SAMD5: variants seen among roughly 807,000 people sequenced by gnomAD.
SAMD5 encodes the protein sterile alpha motif domain-containing protein 5.
SAMD5 carries 13 observed loss-of-function variants against 11.3 expected under a neutral mutation model. The observed-to-expected ratio is 1.15, with a 90% CI of 0.75 to 1.83. The LOEUF is 1.83. Ranked by LOEUF, SAMD5 falls within the 40% of genes most tolerant of loss-of-function variation. SAMD5 has a pLI of 0.00. For synonymous variants in SAMD5, 129 were observed against 111.3 expected (o/e 1.16, Z -1.00); for missense variants, 255 against 239.1 (o/e 1.07, Z -0.44).
Position 147,566,574 on chromosome 6 carries a change from C to T in SAMD5, c.*2118C>T. On this transcript the variant is annotated 3_prime_UTR_variant, in exon 2 of 2. Coordinates refer to ENST00000367474, the MANE Select transcript of SAMD5 (RefSeq NM_001030060.3). ...TGCAATGGAAAAAGGGTTCCTTGGT[C>T]ATTTCAAGTTTTATTTTCTATTAGA... is the stretch of plus-strand genomic sequence containing the variant. 1.0e-6 allele frequency: 1 copy of T among 981,616 alleles called. No homozygotes were observed. The highest frequency in any genetic ancestry group is 1.2e-6 in the Non-Finnish European group (1 of 826,098). The allele number at this position is 981,616 out of a possible 1,614,324, so 60.8% of individuals were successfully genotyped here.
chr6:147,549,449 T>C (rs1392499205), intron 1 of SAMD5, among the ~76,000 whole-genome samples: 1 of 152,174 alleles, frequency 6.6e-6, no homozygotes, highest in Non-Finnish European at 1.5e-5. Context: ...GAGACAAACC[T>C]TGACAAATGA....
At chr6:147,806,417 G>A in the SAMD5 span, among the ~76,000 whole-genome samples, 1 of 152,176 alleles carries the variant, frequency 6.6e-6, no homozygotes, top group Non-Finnish European at 1.5e-5. Flanking sequence ...CACAATAGAT[G>A]TGTCAATTGC....
chr6:147,885,929 A>C, the SAMD5 span, among the ~76,000 whole-genome samples: 4 of 152,332 alleles, frequency 2.6e-5, no homozygotes, highest in East Asian at 7.7e-4. Context: ...AGAACATATA[A>C]TTTCTATATT....
At chr6:147,846,821 G>C in the SAMD5 span, among the ~76,000 whole-genome samples, 2 of 151,974 alleles carry the variant, frequency 1.3e-5, no homozygotes, top group African/African-American at 4.8e-5. Flanking sequence ...CTGTCTCCAA[G>C]AAAAACAAAA....
At chr6:147,707,521 A>C (rs1036558683) in intron 1 of SAMD5, among the ~76,000 whole-genome samples, 6 of 152,198 alleles carry the variant, frequency 3.9e-5, no homozygotes, top group African/African-American at 4.8e-5. Flanking sequence ...GACCAGCCTG[A>C]TCTAAATAGG....
chr6:147,815,028 G>A, the SAMD5 span, among the ~76,000 whole-genome samples: 1 of 152,056 alleles, frequency 6.6e-6, no homozygotes, highest in Non-Finnish European at 1.5e-5. Context: ...GACAATGAGG[G>A]GCTGAGTGCC....
At chr6:147,833,263 G>C in the SAMD5 span, among the ~76,000 whole-genome samples, 2 of 152,066 alleles carry the variant, frequency 1.3e-5, no homozygotes, top group African/African-American at 4.8e-5. Flanking sequence ...CTTCTTCTTT[G>C]TGGCACCTAT....
the SAMD5 span, among the ~76,000 whole-genome samples, chr6:147,753,248 G>C: frequency 6.6e-6 from 1 of 152,164 alleles, no homozygotes; most frequent in African/African-American, 2.4e-5. Flanking sequence ...GCCCTGTCCA[G>C]GAGTAGAGGA....
chr6:147,713,733 G>A (rs3908266), intron 1 of SAMD5, among the ~76,000 whole-genome samples: 96,451 of 151,878 alleles, frequency 0.64, 30,960 homozygotes, highest in Admixed American at 0.69. Context: ...CCCAAATTCA[G>A]TGCTATTTCT....
intron 1 of SAMD5, among the ~76,000 whole-genome samples, chr6:147,734,744 A>AAAAAAAAAAAAAAAAAAAATT: frequency 8.4e-6 from 1 of 118,718 alleles, no homozygotes; most frequent in African/African-American, 3.0e-5. Context: ...AAAAAAAAAG[A>AAAAAAAAAAAAAAAAAAAATT]TTTAGAACAC....
chr6:147,761,126 G>A, the SAMD5 span, among the ~76,000 whole-genome samples: 2 of 151,910 alleles, frequency 1.3e-5, no homozygotes, highest in Non-Finnish European at 2.9e-5. Context: ...ATCCTTTAGA[G>A]CTTTTACTTT....
At chr6:147,542,242 C>T (rs750134981) in intron 1 of SAMD5, among the ~76,000 whole-genome samples, 13 of 152,314 alleles carry the variant, frequency 8.5e-5, no homozygotes, top group Admixed American at 2.0e-4. Context: ...ACTAGGTGGC[C>T]GCTTGGGCTG....
At chr6:147,889,620 T>G in the SAMD5 span, among the ~76,000 whole-genome samples, 2 of 152,228 alleles carry the variant, frequency 1.3e-5, no homozygotes, top group Non-Finnish European at 1.5e-5. Context: ...AAAATTTGCG[T>G]CAAAGGATTC....
chr6:147,775,621 A>G, the SAMD5 span, among the ~76,000 whole-genome samples: 3 of 152,202 alleles, frequency 2.0e-5, no homozygotes, highest in Non-Finnish European at 4.4e-5. Flanking sequence ...TACTCCTTTT[A>G]TGTATGGGTG....
the SAMD5 span, among the ~76,000 whole-genome samples, chr6:147,910,257 C>G: frequency 6.6e-6 from 1 of 151,988 alleles, no homozygotes; most frequent in Non-Finnish European, 1.5e-5. Context: ...CATTGCCTAC[C>G]CACCCCCAGG....
intron 1 of SAMD5, among the ~76,000 whole-genome samples, chr6:147,685,015 A>C (rs1790989420): frequency 6.6e-6 from 1 of 152,212 alleles, no homozygotes; most frequent in Admixed American, 6.5e-5. Context: ...AAATTGAATA[A>C]TAGTAGTTTG....
rs143181041 is a variant in SAMD5 at position 147,544,778 on chromosome 6, G to A, written c.460-19616G>A. On this transcript the variant is annotated intron_variant, in intron 1 of 1. Transcript: ENST00000367474. ...GCTGTAGAAATGTAAAATCCTGAGC[G>A]AATAAGAAACAATTCACATAATTTT... is the stretch of plus-strand genomic sequence containing the variant. Among the ~76,000 whole-genome samples, 665 of 152,196 alleles carry A rather than the reference G, an allele frequency of 4.4e-3. 3 individuals are homozygous for A. Among genetic ancestry groups the A allele is most frequent in the Middle Eastern group, 6.8e-3 (2 of 294 alleles).
intron 1 of SAMD5, among the ~76,000 whole-genome samples, chr6:147,606,074 G>A (rs547996723): frequency 6.6e-6 from 1 of 152,092 alleles, no homozygotes; most frequent in Non-Finnish European, 1.5e-5. Flanking sequence ...GACAGAATTA[G>A]GTTCTATTCT....
chr6:147,684,971 T>C (rs1265624458), intron 1 of SAMD5, among the ~76,000 whole-genome samples: 1 of 152,228 alleles, frequency 6.6e-6, no homozygotes, highest in Non-Finnish European at 1.5e-5. Context: ...AGTGGGAATT[T>C]GAGAATTAAA....
Sources: allele counts gnomAD v4.1 joint callset (sites outside exome capture counted in the v4.1 genomes callset), GRCh38; gene constraint gnomAD v4.1.1; transcripts MANE v1.5; gene names NCBI Gene and HGNC (gene_info 2026-07-23, HGNC 2026-07-21).